The following DRC11 variants were observed in gnomAD, a reference collection of about 807,000 sequenced individuals.
The protein encoded by DRC11 is IQ and AAA domain-containing protein 1.
the DRC11 span, among the ~76,000 whole-genome samples, chr2:236,448,847 G>A: frequency 4.6e-5 from 7 of 151,888 alleles, no homozygotes; most frequent in African/African-American, 1.7e-4. The surrounding 1 kb of genome is among the most constrained non-coding windows in gnomAD (Gnocchi z 5.3). Context: ...GACAGAGGGC[G>A]CTGTTAGTTT....
the DRC11 span, among the ~76,000 whole-genome samples, chr2:236,457,465 C>T: frequency 2.0e-5 from 3 of 152,144 alleles, no homozygotes; most frequent in East Asian, 1.9e-4. The surrounding 1 kb of genome is among the most constrained non-coding windows in gnomAD (Gnocchi z 4.7). Flanking sequence ...TGAATGAAAG[C>T]GATTATGGCG....
the DRC11 span, among the ~76,000 whole-genome samples, chr2:236,389,223 A>C: frequency 6.6e-6 from 1 of 152,142 alleles, no homozygotes; most frequent in Admixed American, 6.5e-5. Flanking sequence ...TTGTTTACCT[A>C]ATCAAGCCTG....
At chr2:236,502,070 C>G in the DRC11 span, among the ~76,000 whole-genome samples, 1 of 152,056 alleles carries the variant, frequency 6.6e-6, no homozygotes, top group East Asian at 1.9e-4. Flanking sequence ...TCCCCACACA[C>G]CAACAAAAAA....
chr2:236,416,731 A>ATATT, the DRC11 span, among the ~76,000 whole-genome samples: 2 of 42,998 alleles, frequency 4.7e-5, no homozygotes, highest in African/African-American at 9.3e-5. Flanking sequence ...TTATATATAT[A>ATATT]TATATATATA....
chr2:236,427,740 TG>T, the DRC11 span, among the ~76,000 whole-genome samples: 1 of 152,112 alleles, frequency 6.6e-6, no homozygotes, highest in Non-Finnish European at 1.5e-5. This position sits in a 1 kb window ranked among gnomAD's most constrained non-coding sequence, Gnocchi z 5.9. Flanking sequence ...CATTTATTTT[TG>T]TTCTTATCTT....
At chr2:236,378,674 CAAA>C in the DRC11 span, among the ~76,000 whole-genome samples, 2 of 59,176 alleles carry the variant, frequency 3.4e-5, no homozygotes, top group Admixed American at 2.0e-4. Flanking sequence ...GACTCCGTCT[CAAA>C]AAAAAAAAAA....
At chr2:236,310,493 C>T in the DRC11 span, among the ~76,000 whole-genome samples, 1 of 152,166 alleles carries the variant, frequency 6.6e-6, no homozygotes, top group Non-Finnish European at 1.5e-5. This position sits in a 1 kb window ranked among gnomAD's most constrained non-coding sequence, Gnocchi z 5.5. Context: ...GAGTATGTAT[C>T]ATGCAAGATT....
At chr2:236,335,886 T>C in the DRC11 span, among the ~76,000 whole-genome samples, 3 of 151,822 alleles carry the variant, frequency 2.0e-5, no homozygotes, top group Non-Finnish European at 4.4e-5. This position sits in a 1 kb window ranked among gnomAD's most constrained non-coding sequence, Gnocchi z 5.6. Context: ...CGTCTTGCGC[T>C]GTCTCCTTTC....
chr2:236,344,091 A>T, the DRC11 span, among the ~76,000 whole-genome samples: 6 of 152,150 alleles, frequency 3.9e-5, no homozygotes, highest in African/African-American at 1.4e-4. Flanking sequence ...GGGACCATTG[A>T]AAGGAGAGAA....
At chr2:236,320,276 C>T in the DRC11 span, among the ~76,000 whole-genome samples, 176 of 152,282 alleles carry the variant, frequency 1.2e-3, no homozygotes, top group Non-Finnish European at 1.9e-3. Context: ...TGCTTGGCTT[C>T]GTTTCGCATC....
At chr2:236,444,770 A>C in the DRC11 span, among the ~76,000 whole-genome samples, 1 of 152,340 alleles carries the variant, frequency 6.6e-6, no homozygotes, top group Non-Finnish European at 1.5e-5. Context: ...TCCATCCATC[A>C]AACCTTTCAT....
At chr2:236,438,609 T>C in the DRC11 span, among the ~76,000 whole-genome samples, 1 of 152,126 alleles carries the variant, frequency 6.6e-6, no homozygotes, top group African/African-American at 2.4e-5. Flanking sequence ...TGTATCCTCT[T>C]TTATTTCCTT....
chr2:236,338,935 G>T, the DRC11 span, among the ~76,000 whole-genome samples: 1 of 152,226 alleles, frequency 6.6e-6, no homozygotes, highest in Admixed American at 6.5e-5. Flanking sequence ...GCGAGAACAG[G>T]CTGGCTGTTC....
At chr2:236,313,457 G>T in the DRC11 span, among the ~76,000 whole-genome samples, 1 of 152,134 alleles carries the variant, frequency 6.6e-6, no homozygotes, top group African/African-American at 2.4e-5. The surrounding 1 kb of genome is among the most constrained non-coding windows in gnomAD (Gnocchi z 4.5). Flanking sequence ...TTGCAGTTGG[G>T]AATGTAAAAT....
At chr2:236,316,145 T>TTCTCTCTCTCTCTCTCTCTC in the DRC11 span, among the ~76,000 whole-genome samples, 1,332 of 146,120 alleles carry the variant, frequency 9.1e-3, 9 homozygotes, top group Non-Finnish European at 0.013. This position sits in a 1 kb window ranked among gnomAD's most constrained non-coding sequence, Gnocchi z 6.8. Context: ...ACTTATTTTC[T>TTCTCTCTCTCTCTCTCTCTC]TCTCTCTCTC....
At chr2:236,309,958 G>A in the DRC11 span, among the ~76,000 whole-genome samples, 1 of 152,222 alleles carries the variant, frequency 6.6e-6, no homozygotes, top group African/African-American at 2.4e-5. The surrounding 1 kb of genome is among the most constrained non-coding windows in gnomAD (Gnocchi z 5.7). Flanking sequence ...AGAAGAGCTG[G>A]TGCCAATCCC....
At chr2:236,494,466 T>TG in the DRC11 span, among the ~76,000 whole-genome samples, 2 of 152,148 alleles carry the variant, frequency 1.3e-5, no homozygotes, top group African/African-American at 2.4e-5. The surrounding 1 kb of genome is among the most constrained non-coding windows in gnomAD (Gnocchi z 4.2). Flanking sequence ...TTCAAACCAG[T>TG]GGGGGTTCAG....
the DRC11 span, among the ~76,000 whole-genome samples, chr2:236,313,394 TG>T: frequency 5.9e-5 from 9 of 152,174 alleles, no homozygotes; most frequent in Non-Finnish European, 1.0e-4. The surrounding 1 kb of genome is among the most constrained non-coding windows in gnomAD (Gnocchi z 4.5). Context: ...GGCAAAAAAT[TG>T]TGACAATACC....
chr2:236,336,425 CACT>C, the DRC11 span, among the ~76,000 whole-genome samples: 2 of 58,004 alleles, frequency 3.4e-5, no homozygotes, highest in African/African-American at 2.0e-4. This position sits in a 1 kb window ranked among gnomAD's most constrained non-coding sequence, Gnocchi z 7.3. Context: ...CCACCACCAC[CACT>C]GCCACCACGG....
Sources: allele counts gnomAD v4.1 joint callset (sites outside exome capture counted in the v4.1 genomes callset), GRCh38; gene constraint gnomAD v4.1.1; non-coding constraint Gnocchi (gnomAD v3.1); transcripts MANE v1.5; gene names NCBI Gene and HGNC (gene_info 2026-07-23, HGNC 2026-07-21).